WDR7: variants seen among roughly 807,000 people sequenced by gnomAD.
WDR7 encodes WD repeat domain 7.
In WDR7, 46 loss-of-function variants were observed where a neutral mutation model predicts 169.4. That is an observed-to-expected ratio of 0.27 (90% CI 0.21 to 0.35). The LOEUF (loss-of-function observed/expected upper bound fraction) is 0.35. Ranked by LOEUF, WDR7 falls within the 10% of genes least tolerant of loss-of-function variation. The pLI is 1.00. For synonymous variants in WDR7, 612 were observed against 666.8 expected, an observed-to-expected ratio of 0.92 and a Z score of 1.27; for missense variants, 1,534 against 1,859.3, an observed-to-expected ratio of 0.83 and a Z score of 3.22.
intron 20 of WDR7, among the ~76,000 whole-genome samples, chr18:56,827,813 A>G (rs1331449361): frequency 1.3e-5 from 2 of 152,126 alleles, no homozygotes; most frequent in Non-Finnish European, 2.9e-5. Flanking sequence ...TATCTCATGT[A>G]CCCCATAAAT....
At chr18:56,879,636 A>C (rs1270324670) in intron 20 of WDR7, among the ~76,000 whole-genome samples, 1 of 152,138 alleles carries the variant, frequency 6.6e-6, no homozygotes. Context: ...TGCTTTTGGT[A>C]TCATATCTAA....
downstream of WDR7, chr18:57,032,947 C>T (rs913024328): frequency 6.6e-6 from 1 of 150,854 alleles, no homozygotes; most frequent in African/African-American, 2.4e-5. Flanking sequence ...ACTGGTCCCT[C>T]GTGCAAAAAA....
intron 22 of WDR7, among the ~76,000 whole-genome samples, chr18:56,929,863 G>A (rs2145667780): frequency 6.6e-6 from 1 of 152,296 alleles, no homozygotes; most frequent in African/African-American, 2.4e-5. Flanking sequence ...GATCAGCATG[G>A]TCATGTACAT....
At chr18:56,748,139 T>A (rs1461615935) in intron 14 of WDR7, among the ~76,000 whole-genome samples, 1 of 152,116 alleles carries the variant, frequency 6.6e-6, no homozygotes, top group East Asian at 1.9e-4. Context: ...ATGAGCAGGG[T>A]TTTGTTATCT....
intron 26 of WDR7, among the ~76,000 whole-genome samples, chr18:57,005,659 T>G (rs1484575207): frequency 6.6e-6 from 1 of 152,172 alleles, no homozygotes; most frequent in Non-Finnish European, 1.5e-5. Context: ...AATTTTTAGT[T>G]TCTTTTTTTA....
At chr18:56,742,111 GT>G (rs2043629280) in intron 14 of WDR7, among the ~76,000 whole-genome samples, 1 of 152,098 alleles carries the variant, frequency 6.6e-6, no homozygotes, top group Non-Finnish European at 1.5e-5. Flanking sequence ...GAGCAGTTTT[GT>G]TTTTCCTTGC....
intron 26 of WDR7, among the ~76,000 whole-genome samples, chr18:57,018,201 G>A (rs2048234409): frequency 6.6e-6 from 1 of 152,170 alleles, no homozygotes; most frequent in African/African-American, 2.4e-5. Flanking sequence ...AAACTGAGGG[G>A]CCCAATCTCC....
chr18:56,988,635 GTA>G (rs1555721974), intron 26 of WDR7, among the ~76,000 whole-genome samples: 7 of 138,400 alleles, frequency 5.1e-5, no homozygotes, highest in African/African-American at 1.6e-4. Flanking sequence ...GTGTGTGTGT[GTA>G]TAGAGTCGTC....
At chr18:56,806,953 C>T (rs991742861) in intron 19 of WDR7, among the ~76,000 whole-genome samples, 3 of 152,048 alleles carry the variant, frequency 2.0e-5, no homozygotes, top group Admixed American at 6.6e-5. Context: ...AGATCTATCC[C>T]ACCCTTCATG....
At chr18:56,883,935 C>T (rs1040536635) in intron 21 of WDR7, among the ~76,000 whole-genome samples, 59 of 152,082 alleles carry the variant, frequency 3.9e-4, no homozygotes, top group African/African-American at 1.3e-3. Context: ...TCGGCTGATT[C>T]CATATTTTTG....
At chr18:56,984,902 C>G (rs1186080236) in intron 26 of WDR7, among the ~76,000 whole-genome samples, 1 of 152,122 alleles carries the variant, frequency 6.6e-6, no homozygotes, top group East Asian at 1.9e-4. Context: ...TTGATTTGCC[C>G]TTCAGCTGTG....
chr18:56,722,523 A>G lies in WDR7; in HGVS notation c.1774+4364A>G, dbSNP rs778175237. On this transcript the variant is annotated intron_variant, in intron 13 of 27. Transcript: ENST00000254442. ...TTTTCATTCTGTTACAAAACATGCT[A>G]TAGGACAGGGGAAGACACAGAGAAT... is the stretch of plus-strand genomic sequence containing the variant. Among the ~76,000 whole-genome samples the G allele has an allele frequency of 2.6e-5, 4 of 152,180 alleles. No individual in the cohort carries two copies. In the East Asian group the frequency reaches 7.7e-4, roughly 29 times the overall value.
chr18:56,675,085 G>A (rs532958396), intron 2 of WDR7, among the ~76,000 whole-genome samples: 14 of 152,020 alleles, frequency 9.2e-5, no homozygotes, highest in Non-Finnish European at 1.5e-4. Flanking sequence ...CCTAATTACC[G>A]TTGTTTTATA....
At chr18:56,750,127 A>G (rs1175797254) in intron 14 of WDR7, among the ~76,000 whole-genome samples, 3 of 151,978 alleles carry the variant, frequency 2.0e-5, no homozygotes, top group Non-Finnish European at 4.4e-5. Context: ...TCACTTGACA[A>G]TTTTACCTGC....
chr18:56,803,772 C>T (rs910287265), intron 19 of WDR7, among the ~76,000 whole-genome samples: 1 of 152,148 alleles, frequency 6.6e-6, no homozygotes, highest in Admixed American at 6.5e-5. Flanking sequence ...CTAAACTCAA[C>T]CCCTTGTATC....
intron 26 of WDR7, among the ~76,000 whole-genome samples, chr18:57,009,182 T>C (rs2145910480): frequency 6.6e-6 from 1 of 152,358 alleles, no homozygotes; most frequent in South Asian, 2.1e-4. Flanking sequence ...ATGTTGGATG[T>C]TATATCAAAA....
chr18:57,027,149 C>A lies in WDR7; in HGVS notation c.4415C>A (p.Ser1472Tyr). The change falls in exon 28 of 28, where the codon TCC (serine) becomes TAC (tyrosine). Residue 1472 changes from serine to tyrosine, a missense_variant. Physicochemically the swap from Ser to Tyr is moderately radical, Grantham distance 144. Coordinates refer to ENST00000254442, the MANE Select transcript of WDR7 (RefSeq NM_015285.3). ...AAGCTGGCCCGGCTCATCTGGACTT[C>A]CAACCGCAACGTCATCCTCATGGCC... The part of the protein sequence containing the change: ...ALKLARLIWT[S>Y]NRNVILMAHD... The A allele has an allele frequency of 2.4e-5, 39 of 1,614,186 alleles. No individual in the cohort carries two copies. The highest frequency in any genetic ancestry group is 3.1e-5 in the Non-Finnish European group (37 of 1,180,036).
At position 57,027,455 on chromosome 18, in the gene WDR7, C is replaced by G; in HGVS notation, c.*248C>G. On this transcript the variant is annotated 3_prime_UTR_variant, in exon 28 of 28. Transcript: ENST00000254442. Reference sequence around the variant, plus strand: ...CATCCTGTCACCAGGTAGTTTTTCCCTGCCAGAGATGGCAGGGGAAAGCCA... The same window carrying G: ...CATCCTGTCACCAGGTAGTTTTTCCGTGCCAGAGATGGCAGGGGAAAGCCA... The G allele has an allele frequency of 1.9e-6, 1 of 528,580 alleles. No individual in the cohort carries two copies. Among genetic ancestry groups the G allele is most frequent in the Non-Finnish European group, 3.3e-6 (1 of 300,630 alleles). 32.7% of individuals were successfully genotyped at this position (528,580 alleles called of 1,614,324 possible).
intron 22 of WDR7, among the ~76,000 whole-genome samples, chr18:56,928,477 T>C (rs1345486592): frequency 1.3e-5 from 2 of 152,146 alleles, no homozygotes; most frequent in East Asian, 3.9e-4. Flanking sequence ...AATAAATAAA[T>C]AAATCTCAAA....
Sources: allele counts gnomAD v4.1 joint callset (sites outside exome capture counted in the v4.1 genomes callset), GRCh38; gene constraint gnomAD v4.1.1; transcripts MANE v1.5; gene names NCBI Gene and HGNC (gene_info 2026-07-23, HGNC 2026-07-21).